ROBO1: variants seen among roughly 807,000 people sequenced by gnomAD.
ROBO1 encodes the protein roundabout homolog 1.
In ROBO1, 149 loss-of-function variants were observed where a neutral mutation model predicts 195.9. The ratio of observed to expected loss-of-function variants is 0.76; its 90% CI spans 0.67 to 0.87. The LOEUF (loss-of-function observed/expected upper bound fraction) is 0.87. Ranked by LOEUF, ROBO1 falls within the 40% of genes least tolerant of loss-of-function variation. The pLI, the probability that ROBO1 is intolerant of heterozygous loss-of-function variation, is 0.00. For synonymous variants in ROBO1, 816 were observed against 733.2 expected (o/e 1.11, Z -1.82); for missense variants, 1,933 against 2,068.3 (o/e 0.93, Z 1.27).
chr3:78,774,051 T>C (rs957920918), intron 4 of ROBO1, among the ~76,000 whole-genome samples: 6 of 152,238 alleles, frequency 3.9e-5, no homozygotes, highest in South Asian at 2.1e-4. Flanking sequence ...ACTCATTTTC[T>C]AATTTAAGAA....
chr3:78,877,457 G>T (rs1181672038), intron 4 of ROBO1, among the ~76,000 whole-genome samples: 2 of 149,078 alleles, frequency 1.3e-5, no homozygotes, highest in Non-Finnish European at 3.0e-5. Context: ...AAATCTAATT[G>T]AATGAAAAAA....
intron 4 of ROBO1, among the ~76,000 whole-genome samples, chr3:78,845,857 T>C (rs1451260751): frequency 6.6e-6 from 1 of 152,164 alleles, no homozygotes; most frequent in Non-Finnish European, 1.5e-5. Context: ...TTGAAATCCA[T>C]GCAGTAAATC....
chr3:79,201,516 C>T (rs569875351), intron 2 of ROBO1, among the ~76,000 whole-genome samples: 15 of 152,034 alleles, frequency 9.9e-5, no homozygotes, highest in Middle Eastern at 3.4e-3. Context: ...GAAACTGAGG[C>T]AAACAAAGGC....
intron 2 of ROBO1, among the ~76,000 whole-genome samples, chr3:79,170,025 A>C (rs1274717181): frequency 1.3e-5 from 2 of 152,164 alleles, no homozygotes; most frequent in Non-Finnish European, 2.9e-5. Flanking sequence ...AAAGAGAGAG[A>C]GCGAGAGAGA....
chr3:79,146,692 G>T (rs938127128), intron 2 of ROBO1, among the ~76,000 whole-genome samples: 3 of 151,826 alleles, frequency 2.0e-5, no homozygotes, highest in Non-Finnish European at 4.4e-5. Context: ...TTAAATGTAT[G>T]CTACTTTATA....
chr3:79,170,156 A>G (rs2081141594), intron 2 of ROBO1, among the ~76,000 whole-genome samples: 1 of 152,066 alleles, frequency 6.6e-6, no homozygotes, highest in Non-Finnish European at 1.5e-5. Flanking sequence ...ATTAGAGCTC[A>G]GGGCCATTGT....
chr3:79,236,272 C>T (rs1480407318), intron 2 of ROBO1, among the ~76,000 whole-genome samples: 1 of 152,092 alleles, frequency 6.6e-6, no homozygotes, highest in Non-Finnish European at 1.5e-5. Flanking sequence ...CTCTACTTGC[C>T]CCCTCTACTT....
chr3:79,042,764 T>G (rs1463282623), intron 3 of ROBO1, among the ~76,000 whole-genome samples: 1 of 152,174 alleles, frequency 6.6e-6, no homozygotes, highest in African/African-American at 2.4e-5. Flanking sequence ...AGACGATAGA[T>G]GATTCCTAAA....
intron 26 of ROBO1, among the ~76,000 whole-genome samples, chr3:78,618,550 A>C (rs769525687): frequency 1.3e-5 from 2 of 152,126 alleles, no homozygotes; most frequent in Non-Finnish European, 2.9e-5. Flanking sequence ...AAAATTTCAT[A>C]AGATTTAAAA....
At chr3:79,259,433 C>A (rs935356735) in intron 2 of ROBO1, among the ~76,000 whole-genome samples, 1 of 151,290 alleles carries the variant, frequency 6.6e-6, no homozygotes, top group Admixed American at 6.6e-5. Context: ...AGCCACCATG[C>A]CTGGCCTAAG....
intron 2 of ROBO1, among the ~76,000 whole-genome samples, chr3:79,407,119 G>T (rs1041956705): frequency 2.0e-5 from 3 of 151,876 alleles, no homozygotes; most frequent in Non-Finnish European, 2.9e-5. Context: ...ATAGAAATGG[G>T]GTTTCACCAT....
chr3:78,729,096 T>C (rs932631081), intron 5 of ROBO1, among the ~76,000 whole-genome samples: 5 of 152,346 alleles, frequency 3.3e-5, no homozygotes, highest in Non-Finnish European at 7.3e-5. Flanking sequence ...CCTAGGACTC[T>C]GGCAGCTGCA....
chr3:79,477,414 G>C (rs185451491), intron 2 of ROBO1, among the ~76,000 whole-genome samples: 1 of 152,060 alleles, frequency 6.6e-6, no homozygotes, highest in Non-Finnish European at 1.5e-5. Flanking sequence ...AGTTTGAATA[G>C]GTATAATGAG....
intron 2 of ROBO1, among the ~76,000 whole-genome samples, chr3:79,530,274 ATT>A (rs1292308322): frequency 4.6e-5 from 7 of 152,054 alleles, no homozygotes; most frequent in Admixed American, 3.9e-4. Flanking sequence ...CTCCCTGGTG[ATT>A]GCATCAATAG....
chr3:79,750,936 TA>T (rs1704104647), intron 1 of ROBO1, among the ~76,000 whole-genome samples: 1 of 152,166 alleles, frequency 6.6e-6, no homozygotes, highest in African/African-American at 2.4e-5. Flanking sequence ...GTGGCTAAAA[TA>T]AACAAACCAT....
intron 2 of ROBO1, among the ~76,000 whole-genome samples, chr3:79,174,440 T>C (rs537690325): frequency 6.6e-6 from 1 of 152,102 alleles, no homozygotes; most frequent in South Asian, 2.1e-4. Flanking sequence ...ACTCCGGACA[T>C]GCGGCCTTTA....
intron 1 of ROBO1, among the ~76,000 whole-genome samples, chr3:79,731,297 T>C (rs958177627): frequency 6.6e-6 from 1 of 152,172 alleles, no homozygotes; most frequent in Non-Finnish European, 1.5e-5. Flanking sequence ...TGTATGGTAT[T>C]TTAATGGGAT....
intron 4 of ROBO1, among the ~76,000 whole-genome samples, chr3:78,924,559 C>A (rs773552958): frequency 1.4e-4 from 22 of 152,060 alleles, no homozygotes; most frequent in Non-Finnish European, 3.1e-4. Flanking sequence ...AGAGCTGTAA[C>A]TGCATCTGTA....
chr3:79,624,450 C>A (rs1253331394), intron 1 of ROBO1, among the ~76,000 whole-genome samples: 2 of 151,826 alleles, frequency 1.3e-5, no homozygotes, highest in African/African-American at 2.4e-5. Context: ...ATTCAGGAGA[C>A]ACACAACTCA....
Sources: gnomAD v4.1 joint callset for allele counts (sites outside exome capture counted in the v4.1 genomes callset) on GRCh38, gnomAD v4.1.1 for gene constraint, MANE v1.5 for transcripts, NCBI Gene and HGNC (gene_info 2026-07-23, HGNC 2026-07-21) for gene names.